HDX: variants seen among roughly 807,000 people sequenced by gnomAD.
HDX encodes chromosome X open reading frame 43.
Under a neutral mutation model 45.2 loss-of-function variants are expected in HDX, and 19 were observed. The observed-to-expected ratio is 0.42, with a 90% CI of 0.29 to 0.62. The LOEUF (loss-of-function observed/expected upper bound fraction) is 0.62. HDX is among the 20% of genes least tolerant of loss of function. The pLI, the probability that HDX is intolerant of heterozygous loss-of-function variation, is 0.20. For missense variants in HDX, 532 were observed against 493.9 expected, an observed-to-expected ratio of 1.08 and a Z score of -0.73; for synonymous variants, 188 against 172.8, an observed-to-expected ratio of 1.09 and a Z score of -0.69.
intron 8 of HDX, among the ~76,000 whole-genome samples, chrX:84,335,311 G>A (rs1046903677): frequency 9.0e-5 from 10 of 110,916 alleles, no homozygotes; most frequent in African/African-American, 3.3e-4. Flanking sequence ...AGAGATGTGT[G>A]CATTTAAATA....
intron 5 of HDX, among the ~76,000 whole-genome samples, chrX:84,414,271 A>G (rs750569554): frequency 9.0e-5 from 10 of 111,304 alleles, no homozygotes; most frequent in Non-Finnish European, 1.7e-4. Flanking sequence ...CATGTAGAAT[A>G]CAGACATTTT....
At chrX:84,489,039 A>G (rs1298480102) in intron 1 of HDX, among the ~76,000 whole-genome samples, 1 of 111,215 alleles carries the variant, frequency 9.0e-6, no homozygotes, top group Non-Finnish European at 1.9e-5. Flanking sequence ...CTAATCTGGT[A>G]AAAGACCAGA....
At chrX:84,425,204 A>G (rs752974479) in intron 5 of HDX, among the ~76,000 whole-genome samples, 5 of 112,355 alleles carry the variant, frequency 4.5e-5, no homozygotes, top group Non-Finnish European at 9.4e-5. Flanking sequence ...TGACAGAGAT[A>G]TATGAAAATG....
chrX:84,456,284 C>T (rs770060198), intron 4 of HDX, among the ~76,000 whole-genome samples: 6 of 111,232 alleles, frequency 5.4e-5, no homozygotes, highest in Non-Finnish European at 1.1e-4. Flanking sequence ...TCTTTGCTTG[C>T]TTGTTTATGC....
At chrX:84,391,353 C>T (rs1425945172) in intron 5 of HDX, among the ~76,000 whole-genome samples, 4 of 111,898 alleles carry the variant, frequency 3.6e-5, no homozygotes, top group Non-Finnish European at 7.5e-5. Flanking sequence ...TCTCCATTGA[C>T]TGACACTTTG....
chrX:84,436,493 G>T (rs749616432), intron 5 of HDX, among the ~76,000 whole-genome samples: 7 of 111,582 alleles, frequency 6.3e-5, no homozygotes, highest in Admixed American at 1.9e-4. Flanking sequence ...TACTGCCTTT[G>T]CTGTGACCCA....
chrX:84,360,814 C>T (rs2037604354), intron 6 of HDX, among the ~76,000 whole-genome samples: 1 of 111,729 alleles, frequency 9.0e-6, no homozygotes, highest in East Asian at 2.8e-4. Context: ...TCTATACATT[C>T]ACTTGGTGGA....
chrX:84,398,690 G>A (rs1386833755), intron 5 of HDX, among the ~76,000 whole-genome samples: 1 of 111,763 alleles, frequency 8.9e-6, no homozygotes, highest in African/African-American at 3.2e-5. Flanking sequence ...TATTTAGGAC[G>A]TGAACTCAGT....
intron 5 of HDX, among the ~76,000 whole-genome samples, chrX:84,405,986 T>C (rs2038809794): frequency 9.0e-6 from 1 of 110,535 alleles, no homozygotes; most frequent in African/African-American, 3.3e-5. Context: ...GTTATACAAA[T>C]AGTTAGCAGT....
At chrX:84,470,123 A>T (rs1446249486) in intron 3 of HDX, among the ~76,000 whole-genome samples, 1 of 111,718 alleles carries the variant, frequency 9.0e-6, no homozygotes, top group Non-Finnish European at 1.9e-5. Flanking sequence ...CTATCAGATT[A>T]TTTATAGTAT....
Position 84,469,163 on chromosome X carries a change from T to C in HDX, c.560A>G (p.Asn187Ser), listed in dbSNP as rs376693926. 2.5e-6 allele frequency: 3 copies of C among 1,209,323 alleles called. No homozygotes were observed. In the East Asian group the frequency reaches 8.9e-5, roughly 36 times the overall value. The stretch of plus-strand genomic sequence containing the variant: ...TTTCTTTGCGTGATTGAATACTGAG[T>C]TTCCAGCATTTAGCACACTTGTCTG... The part of the protein sequence containing the change: ...SRQTSVLNAG[N>S]SVFNHAKKNY... The change falls in exon 4 of 11, where the codon AAC becomes AGC. Residue 187 changes from asparagine (N) to serine (S), a missense_variant. By Grantham distance (46) the Asn-to-Ser change is conservative (BLOSUM62 1). This residue lies in a region of HDX where 376 missense variants were observed against 343.7 expected (regional missense o/e 1.09). Coordinates refer to ENST00000373177, the MANE Select transcript of HDX (RefSeq NM_001177479.2).
chrX:84,482,804 C>T (rs1006831424), intron 2 of HDX, among the ~76,000 whole-genome samples: 1 of 111,710 alleles, frequency 9.0e-6, no homozygotes, highest in East Asian at 2.8e-4. Context: ...TCCAAAGTCT[C>T]ATCTGAGACA....
At position 84,408,499 on chromosome X, in the gene HDX, G is replaced by GTTTTTTT. The variant is rs1220751208; in HGVS notation, c.1305+32026_1305+32032dup. Among the ~76,000 whole-genome samples, 154 of 44,351 alleles carry GTTTTTTT rather than the reference G, an allele frequency of 3.5e-3. 7 individuals carry two copies. Among genetic ancestry groups the GTTTTTTT allele is most frequent in the East Asian group, 4.9e-3 (6 of 1,214 alleles). 38.5% of individuals were successfully genotyped at this position (44,351 alleles called of 115,157 possible). ...TGCATAAAGTGATGCCTCCAGCTTT[G>GTTTTTTT]TTTTTTTTTTTTTTTTTTTTTTTGC... is the stretch of plus-strand genomic sequence containing the variant. On this transcript the variant is annotated intron_variant, in intron 5 of 10. Coordinates refer to ENST00000373177, the MANE Select transcript of HDX (RefSeq NM_001177479.2).
chrX:84,383,090 A>G (rs2038227356), intron 5 of HDX, among the ~76,000 whole-genome samples: 1 of 111,599 alleles, frequency 9.0e-6, no homozygotes, highest in African/African-American at 3.2e-5. Context: ...CGTGTAGTAT[A>G]TATAAAATAA....
intron 4 of HDX, among the ~76,000 whole-genome samples, chrX:84,463,044 G>A (rs2040272987): frequency 9.0e-6 from 1 of 110,855 alleles, no homozygotes; most frequent in South Asian, 3.8e-4. Flanking sequence ...GTGCTAATGG[G>A]TATGGGGTTC....
chrX:84,348,377 A>G (rs1189072730), intron 6 of HDX, among the ~76,000 whole-genome samples: 1 of 111,527 alleles, frequency 9.0e-6, no homozygotes, highest in Non-Finnish European at 1.9e-5. Flanking sequence ...TATGTTGTCT[A>G]CTTTTTCCAT....
intron 1 of HDX, among the ~76,000 whole-genome samples, chrX:84,493,601 T>C (rs996635941): frequency 8.9e-6 from 1 of 111,957 alleles, no homozygotes; most frequent in African/African-American, 3.2e-5. Context: ...TAAAGAAAGC[T>C]TCTACCAAAT....
At chrX:84,461,837 C>A (rs1415944302) in intron 4 of HDX, among the ~76,000 whole-genome samples, 2 of 112,182 alleles carry the variant, frequency 1.8e-5, no homozygotes, top group South Asian at 3.7e-4. Flanking sequence ...ATCTAACAAT[C>A]TGATTAAGTA....
At chrX:84,482,583 C>T (rs960182180) in intron 2 of HDX, among the ~76,000 whole-genome samples, 1 of 111,561 alleles carries the variant, frequency 9.0e-6, no homozygotes, top group African/African-American at 3.3e-5. Flanking sequence ...CCCCATGAGT[C>T]AATTATTTCC....
Sources: gnomAD v4.1 joint callset for allele counts (sites outside exome capture counted in the v4.1 genomes callset) on GRCh38, gnomAD v4.1.1 for gene constraint, gnomAD v4.1.1 regional missense constraint, MANE v1.5 for transcripts, NCBI Gene and HGNC (gene_info 2026-07-23, HGNC 2026-07-21) for gene names.